MAP4K5: variants seen among roughly 807,000 people sequenced by gnomAD.
MAP4K5 encodes MAPK/ERK kinase kinase kinase 5.
In MAP4K5, 82 loss-of-function variants were observed where a neutral mutation model predicts 135.6. That is an observed-to-expected ratio of 0.60 (90% CI 0.51 to 0.73). The LOEUF (loss-of-function observed/expected upper bound fraction) is 0.73, where lower values mean the gene tolerates loss of function less well. Ranked by LOEUF, MAP4K5 falls within the 30% of genes least tolerant of loss-of-function variation. MAP4K5 has a pLI of 0.00. For missense variants in MAP4K5, 907 were observed against 1,010.9 expected, an observed-to-expected ratio of 0.90 and a Z score of 1.39; for synonymous variants, 347 against 335.0, an observed-to-expected ratio of 1.04 and a Z score of -0.39.
intron 2 of MAP4K5, among the ~76,000 whole-genome samples, chr14:50,517,152 CTTT>C (rs778616747): frequency 1.5e-4 from 21 of 137,664 alleles, no homozygotes; most frequent in Admixed American, 2.9e-4. Flanking sequence ...AATTACAATA[CTTT>C]TTTTTTTTTT....
intron 13 of MAP4K5, among the ~76,000 whole-genome samples, chr14:50,457,014 T>G (rs1270528495): frequency 6.6e-6 from 1 of 152,192 alleles, no homozygotes; most frequent in Non-Finnish European, 1.5e-5. Context: ...CAGTATGTAC[T>G]GAATATGCAG....
chr14:50,446,093 G>A lies in MAP4K5; in HGVS notation c.1171C>T (p.Pro391Ser), dbSNP rs752942132. 12 of 1,570,782 alleles carry A rather than the reference G, an allele frequency of 7.6e-6. No individual in the cohort carries two copies. The highest frequency in any genetic ancestry group is 5.6e-5 in the African/African-American group (4 of 71,946). The change falls in exon 17 of 33, where the codon CCC (proline) becomes TCC (serine). Residue 391 changes from proline (P) to serine (S), a missense_variant. Pro to Ser is a moderately conservative substitution (Grantham distance 74). Around this residue, in one of 3 missense-constraint regions of MAP4K5, gnomAD observed 690 missense variants for 777.4 expected, o/e 0.89. Coordinates refer to ENST00000682126, the MANE Select transcript of MAP4K5 (RefSeq NM_006575.6). ...KSTSKRAIPPPLPPKPRISSY... is the reference protein window; with the variant it reads ...KSTSKRAIPPSLPPKPRISSY... ...AAGTAGCTCACCTTAGGAGGTAGGG[G>A]AGGTGGTATTGCACGTTTTGAGGTT...
At chr14:50,493,162 C>T (rs1330822163) in intron 3 of MAP4K5, among the ~76,000 whole-genome samples, 1 of 152,104 alleles carries the variant, frequency 6.6e-6, no homozygotes, top group Non-Finnish European at 1.5e-5. Flanking sequence ...TGCAGGGACA[C>T]GATCATTGCT....
intron 5 of MAP4K5, among the ~76,000 whole-genome samples, chr14:50,484,145 T>A (rs945006255): frequency 2.6e-5 from 4 of 152,140 alleles, no homozygotes; most frequent in African/African-American, 9.7e-5. Flanking sequence ...CAATTCTTTA[T>A]AAAATCATAG....
intron 3 of MAP4K5, among the ~76,000 whole-genome samples, chr14:50,494,752 C>A (rs2037558552): frequency 6.6e-6 from 1 of 152,060 alleles, no homozygotes; most frequent in Non-Finnish European, 1.5e-5. Context: ...TGGAATAGAA[C>A]CGACAGCCCA....
At chr14:50,448,662 A>T in intron 15 of MAP4K5, 112 bp downstream of exon 15, 1 of 598,942 alleles carries the variant, frequency 1.7e-6, no homozygotes, top group Non-Finnish European at 2.8e-6. Flanking sequence ...AATTGTCAAA[A>T]TTAATGCTTA....
At chr14:50,550,518 C>T (rs1337483701) in intron 1 of MAP4K5, among the ~76,000 whole-genome samples, 1 of 152,150 alleles carries the variant, frequency 6.6e-6, no homozygotes, top group African/African-American at 2.4e-5. Flanking sequence ...GATATTCTGC[C>T]TTTTGCCTGA....
At chr14:50,527,302 C>T (rs1376488823) in intron 2 of MAP4K5, among the ~76,000 whole-genome samples, 3 of 151,662 alleles carry the variant, frequency 2.0e-5, no homozygotes, top group Non-Finnish European at 2.9e-5. Flanking sequence ...ATTGCGCCAC[C>T]GCACTCCAGC....
At chr14:50,428,635 C>T (rs2139642131) in intron 30 of MAP4K5, 27 bp downstream of exon 30, 1 of 1,280,518 alleles carries the variant, frequency 7.8e-7, no homozygotes, top group Non-Finnish European at 1.1e-6. Context: ...GTATCGCAAA[C>T]TGATTTATGA....
In MAP4K5 at chr14:50,438,077, A is replaced by C. The variant is rs765328026; in HGVS notation, c.1708+15T>G. 1.1e-6 allele frequency: 1 copy of C among 918,022 alleles called. No homozygotes were observed. The highest frequency in any genetic ancestry group is 1.6e-5 in the African/African-American group (1 of 61,396). 56.9% of individuals were successfully genotyped at this position (918,022 alleles called of 1,614,324 possible). On this transcript the variant is annotated intron_variant, in intron 24 of 32. Transcript: ENST00000682126. ...CAGAGAAATACAATTTTCGAGAAAA[A>C]GAAAACGTAATTACCTTCTAAAACG...
In MAP4K5 at chr14:50,440,381, T is replaced by C. The variant is rs1455829066; in HGVS notation, c.1625A>G (p.His542Arg). The C allele has an allele frequency of 6.2e-7, 1 of 1,602,000 alleles. No individual in the cohort carries two copies. The highest frequency in any genetic ancestry group is 8.5e-7 in the Non-Finnish European group (1 of 1,171,350). ...GIYTLNLNEL[H>R]EATMEQLFPR... is the part of the protein sequence containing the mutation. ...AATTACCTGTTCCATCGTTGCCTCA[T>C]GTAGCTCATTGAGATTCAGTGTGTA... The change falls in exon 22 of 33, where the codon CAT (histidine) becomes CGT (arginine). Residue 542 changes from histidine (H) to arginine (R), a missense_variant. His to Arg is a conservative substitution (Grantham distance 29). Around this residue, in one of 3 missense-constraint regions of MAP4K5, gnomAD observed 690 missense variants for 777.4 expected, o/e 0.89. Transcript: ENST00000682126.
At chr14:50,458,103 A>G (rs190518569) in intron 13 of MAP4K5, among the ~76,000 whole-genome samples, 5 of 152,234 alleles carry the variant, frequency 3.3e-5, no homozygotes, top group African/African-American at 4.8e-5. Context: ...CCCCTCAATT[A>G]CTATTCTGTA....
chr14:50,515,061 G>A (rs555713914), intron 2 of MAP4K5, among the ~76,000 whole-genome samples: 35 of 152,078 alleles, frequency 2.3e-4, no homozygotes, highest in Admixed American at 7.9e-4. Context: ...TCGCCGCCAC[G>A]CTAGGCTAAT....
chr14:50,472,144 G>T (rs1198828748), intron 9 of MAP4K5: 1 of 143,088 alleles, frequency 7.0e-6, no homozygotes, highest in East Asian at 2.0e-4. Context: ...ATACTGGAGA[G>T]AAACTCTATG....
At chr14:50,524,867 G>A (rs144541159) in intron 2 of MAP4K5, among the ~76,000 whole-genome samples, 1,730 of 152,262 alleles carry the variant, frequency 0.011, 31 homozygotes, top group African/African-American at 0.04. Flanking sequence ...ATATTTTTTG[G>A]AGAATGAATT....
At chr14:50,510,941 C>T (rs116760579) in intron 2 of MAP4K5, among the ~76,000 whole-genome samples, 380 of 152,256 alleles carry the variant, frequency 2.5e-3, no homozygotes, top group African/African-American at 8.9e-3. Context: ...AGCCAGCAAC[C>T]CCACTCCTTG....
At chr14:50,542,828 C>T (rs2038583250) in intron 1 of MAP4K5, among the ~76,000 whole-genome samples, 1 of 152,210 alleles carries the variant, frequency 6.6e-6, no homozygotes, top group Non-Finnish European at 1.5e-5. Flanking sequence ...AGGAGAAATT[C>T]TCCCAGTGGA....
At chr14:50,432,881 A>C (rs1367312787) in intron 28 of MAP4K5, among the ~76,000 whole-genome samples, 1 of 152,070 alleles carries the variant, frequency 6.6e-6, no homozygotes. Flanking sequence ...CTTGTTGCCC[A>C]GGCTGGAGTG....
intron 30 of MAP4K5, among the ~76,000 whole-genome samples, chr14:50,427,171 C>G (rs1230974346): frequency 6.6e-6 from 1 of 152,072 alleles, no homozygotes; most frequent in Non-Finnish European, 1.5e-5. Context: ...GAGGAACAAA[C>G]TTTTGTGTAA....
Sources: allele counts gnomAD v4.1 joint callset (sites outside exome capture counted in the v4.1 genomes callset), GRCh38; gene constraint gnomAD v4.1.1; regional missense constraint gnomAD v4.1.1; transcripts MANE v1.5; gene names NCBI Gene and HGNC (gene_info 2026-07-23, HGNC 2026-07-21).